Variants in RHEB observed in about 807,000 individuals in gnomAD.
RHEB encodes GTP-binding protein Rheb.
In RHEB, 2 loss-of-function variants were observed where a neutral mutation model predicts 28.8. The observed-to-expected ratio is 0.07, with a 90% confidence interval of 0.03 to 0.22. The LOEUF (loss-of-function observed/expected upper bound fraction) is 0.22. Among genes scored for constraint, RHEB ranks in the 10% least tolerant of loss-of-function variants. The pLI, the probability that RHEB is intolerant of heterozygous loss-of-function variation, is 1.00. For missense variants in RHEB, 76 were observed against 219.9 expected, an observed-to-expected ratio of 0.35 and a Z score of 4.14; for synonymous variants, 69 against 77.3, an observed-to-expected ratio of 0.89 and a Z score of 0.56.
At chr7:151,505,976 G>A (rs565778260) in intron 1 of RHEB, among the ~76,000 whole-genome samples, 1 of 152,208 alleles carries the variant, frequency 6.6e-6, no homozygotes, top group African/African-American at 2.4e-5. Flanking sequence ...GTGCTTCCCG[G>A]GGAGCTGGGG....
chr7:151,481,422 T>C (rs1011626017), intron 3 of RHEB, among the ~76,000 whole-genome samples: 12 of 152,172 alleles, frequency 7.9e-5, no homozygotes, highest in Admixed American at 7.9e-4. Flanking sequence ...AGTGAACAAA[T>C]TTACTATAGA....
chr7:151,498,803 A>G (rs563238367), intron 1 of RHEB, among the ~76,000 whole-genome samples: 2 of 149,564 alleles, frequency 1.3e-5, no homozygotes, highest in South Asian at 2.1e-4. Context: ...CTTTTGTAGA[A>G]TAAGATTAAC....
intron 1 of RHEB, among the ~76,000 whole-genome samples, chr7:151,505,120 T>A (rs775426623): frequency 6.7e-6 from 1 of 149,428 alleles, no homozygotes; most frequent in Non-Finnish European, 1.5e-5. Flanking sequence ...AAAACAACTT[T>A]ATGATCTTCA....
chr7:151,505,554 A>C (rs1802857387), intron 1 of RHEB, among the ~76,000 whole-genome samples: 1 of 152,196 alleles, frequency 6.6e-6, no homozygotes, highest in African/African-American at 2.4e-5. Context: ...CTGCTAGTGG[A>C]GGCATAAAAT....
At chr7:151,490,867 C>G in intron 2 of RHEB, 76 bp downstream of exon 2, 1 of 1,091,534 alleles carries the variant, frequency 9.2e-7, no homozygotes, top group Non-Finnish European at 1.4e-6. Context: ...GCACTCAAAG[C>G]CTCCATGAAT....
intron 1 of RHEB, among the ~76,000 whole-genome samples, chr7:151,515,445 G>A (rs930564815): frequency 1.3e-5 from 2 of 152,146 alleles, no homozygotes; most frequent in African/African-American, 4.8e-5. Context: ...TTTGGCACTG[G>A]AAAGCCATAA....
At chr7:151,516,639 A>G (rs1196528507) in intron 1 of RHEB, among the ~76,000 whole-genome samples, 1 of 151,766 alleles carries the variant, frequency 6.6e-6, no homozygotes, top group Non-Finnish European at 1.5e-5. Context: ...AAAAAAAAAA[A>G]AAAAAGAAAG....
chr7:151,482,853 G>A (rs190119192), intron 3 of RHEB, among the ~76,000 whole-genome samples: 37 of 152,210 alleles, frequency 2.4e-4, no homozygotes, highest in Non-Finnish European at 4.7e-4. Context: ...CTACTCAAGC[G>A]GCTCTTCCCT....
At chr7:151,467,262 G>GA (rs1357788124) in intron 7 of RHEB, 51 bp from the exon 8 acceptor site, 1 of 1,352,916 alleles carries the variant, frequency 7.4e-7, no homozygotes, top group Non-Finnish European at 1.1e-6. Context: ...GCCGAACTCC[G>GA]AGAGTATTTT....
In RHEB at chr7:151,468,856, G is replaced by C. The variant is rs957938995; in HGVS notation, c.463-1645C>G. ...CAGGAAGCAGTGTGTAGAGAAAAAA[G>C]GACTAGATGTGGATGAGATCTACAA... On this transcript the variant is annotated intron_variant, in intron 7 of 7. Transcript: ENST00000262187. This position sits in a 1 kb window ranked among gnomAD's most constrained non-coding sequence, Gnocchi z 4.3. 6.6e-6 allele frequency among the ~76,000 whole-genome samples: 1 copy of C among 152,112 alleles called. No individual in the cohort carries two copies.
chr7:151,518,363 A>G (rs1410688515), intron 1 of RHEB, among the ~76,000 whole-genome samples: 1 of 152,102 alleles, frequency 6.6e-6, no homozygotes, highest in Non-Finnish European at 1.5e-5. Context: ...GCTTCCCATG[A>G]CAGATAGTCA....
chr7:151,492,341 GTGGTGGCTCA>G (rs1802597184), intron 1 of RHEB, among the ~76,000 whole-genome samples: 1 of 152,156 alleles, frequency 6.6e-6, no homozygotes, highest in South Asian at 2.1e-4. Flanking sequence ...CTGGCCGGGT[GTGGTGGCTCA>G]TGCTTGTAAT....
At chr7:151,498,556 G>C (rs1445158662) in intron 1 of RHEB, among the ~76,000 whole-genome samples, 4 of 152,076 alleles carry the variant, frequency 2.6e-5, no homozygotes, top group Non-Finnish European at 5.9e-5. Context: ...GAGCCCGGGA[G>C]GTCAAAGCTG....
chr7:151,478,566 C>G (rs935066496), intron 3 of RHEB, among the ~76,000 whole-genome samples: 2 of 151,972 alleles, frequency 1.3e-5, no homozygotes, highest in Admixed American at 1.3e-4. Context: ...GAAGTTATGT[C>G]TAAGAAGCAC....
intron 4 of RHEB, 104 bp from the exon 5 acceptor site, chr7:151,471,709 AT>A: frequency 2.8e-6 from 2 of 721,214 alleles, no homozygotes; most frequent in Non-Finnish European, 4.7e-6. Context: ...CAGACTCACC[AT>A]TTTAACATAA....
intron 1 of RHEB, among the ~76,000 whole-genome samples, chr7:151,509,783 G>GA (rs1486184007): frequency 6.6e-5 from 10 of 152,172 alleles, no homozygotes; most frequent in Non-Finnish European, 1.5e-4. Flanking sequence ...TCATGATACT[G>GA]AAAATCAGAT....
At chr7:151,495,296 A>G (rs1050373457) in intron 1 of RHEB, among the ~76,000 whole-genome samples, 3 of 152,254 alleles carry the variant, frequency 2.0e-5, no homozygotes, top group Admixed American at 1.3e-4. Context: ...ATCCTCAAAC[A>G]CAAATCACTC....
chr7:151,474,915 T>C (rs964948763), intron 4 of RHEB, among the ~76,000 whole-genome samples: 2 of 152,212 alleles, frequency 1.3e-5, no homozygotes, highest in Non-Finnish European at 2.9e-5. Flanking sequence ...ATTCAGCATA[T>C]AGGTTTCTAA....
At chr7:151,518,998 T>A (rs1161134752) in intron 1 of RHEB, 1 of 152,278 alleles carries the variant, frequency 6.6e-6, no homozygotes, top group Non-Finnish European at 1.5e-5. Flanking sequence ...CGCTGCTTCC[T>A]TTGTTAAAAT....
Sources: allele counts gnomAD v4.1 joint callset (sites outside exome capture counted in the v4.1 genomes callset), GRCh38; gene constraint gnomAD v4.1.1; non-coding constraint Gnocchi (gnomAD v3.1); transcripts MANE v1.5; gene names NCBI Gene and HGNC (gene_info 2026-07-23, HGNC 2026-07-21).